ABTB3: variants seen among roughly 807,000 people sequenced by gnomAD.
ABTB3 encodes ankyrin repeat- and BTB/POZ domain-containing protein 3.
chr12:107,437,882 C>A, the ABTB3 span, among the ~76,000 whole-genome samples: 1 of 152,082 alleles, frequency 6.6e-6, no homozygotes, highest in Non-Finnish European at 1.5e-5. Context: ...TTTTTCGAGG[C>A]CACCCTTCAA....
At chr12:107,576,799 C>T in the ABTB3 span, among the ~76,000 whole-genome samples, 9 of 152,182 alleles carry the variant, frequency 5.9e-5, no homozygotes, top group Admixed American at 5.9e-4. Context: ...CCCTCAGCAA[C>T]TCTTGATATC....
At chr12:107,518,788 G>A in the ABTB3 span, among the ~76,000 whole-genome samples, 1 of 152,114 alleles carries the variant, frequency 6.6e-6, no homozygotes, top group African/African-American at 2.4e-5. Context: ...GAGCAGGGTT[G>A]GAAACACAGC....
At chr12:107,476,987 G>C in the ABTB3 span, among the ~76,000 whole-genome samples, 3 of 152,158 alleles carry the variant, frequency 2.0e-5, no homozygotes, top group Non-Finnish European at 2.9e-5. Flanking sequence ...CTGTTTTCTA[G>C]CTGGTGGAAG....
the ABTB3 span, among the ~76,000 whole-genome samples, chr12:107,479,480 A>G: frequency 6.6e-6 from 1 of 151,982 alleles, no homozygotes; most frequent in Admixed American, 6.6e-5. Flanking sequence ...GGCTGTTGTG[A>G]GGGTTATAGA....
chr12:107,555,820 C>T, the ABTB3 span, among the ~76,000 whole-genome samples: 2,362 of 152,284 alleles, frequency 0.016, 58 homozygotes, highest in African/African-American at 0.052. Context: ...ATTAGAGACT[C>T]AATGCAGGTA....
the ABTB3 span, chr12:107,318,929 A>T: frequency 6.3e-7 from 1 of 1,581,464 alleles, no homozygotes. Context: ...TGCAGCATGA[A>T]GTGGCGCAGC....
the ABTB3 span, among the ~76,000 whole-genome samples, chr12:107,463,613 A>G: frequency 6.6e-6 from 1 of 152,204 alleles, no homozygotes; most frequent in Non-Finnish European, 1.5e-5. Flanking sequence ...GTCAGACTCC[A>G]AAGTTTGTCC....
chr12:107,368,500 C>T, the ABTB3 span, among the ~76,000 whole-genome samples: 4 of 152,316 alleles, frequency 2.6e-5, no homozygotes, highest in South Asian at 8.3e-4. Flanking sequence ...TAATGATGGG[C>T]AACTAGTTGC....
chr12:107,504,007 C>T, the ABTB3 span, among the ~76,000 whole-genome samples: 5 of 152,104 alleles, frequency 3.3e-5, no homozygotes, highest in African/African-American at 1.2e-4. Flanking sequence ...TTCTCCTTGG[C>T]TGGATAGGGC....
chr12:107,419,424 C>G, the ABTB3 span, among the ~76,000 whole-genome samples: 1 of 152,168 alleles, frequency 6.6e-6, no homozygotes, highest in South Asian at 2.1e-4. Context: ...CAGGACCAGT[C>G]AATTGATTCC....
chr12:107,654,945 G>A, the ABTB3 span, among the ~76,000 whole-genome samples: 1 of 149,336 alleles, frequency 6.7e-6, no homozygotes, highest in Non-Finnish European at 1.5e-5. Context: ...TGATTACTTT[G>A]CAGAAGAGAG....
the ABTB3 span, among the ~76,000 whole-genome samples, chr12:107,403,042 G>A: frequency 6.6e-6 from 1 of 152,226 alleles, no homozygotes. Flanking sequence ...TCTGCTCCAG[G>A]TTGTGGAGAG....
the ABTB3 span, among the ~76,000 whole-genome samples, chr12:107,561,562 G>C: frequency 6.6e-6 from 1 of 152,176 alleles, no homozygotes; most frequent in Non-Finnish European, 1.5e-5. Flanking sequence ...GACTGCCCTG[G>C]AAAGTCAGGG....
At chr12:107,625,848 C>T in the ABTB3 span, among the ~76,000 whole-genome samples, 2 of 152,298 alleles carry the variant, frequency 1.3e-5, no homozygotes, top group Non-Finnish European at 2.9e-5. Flanking sequence ...ATCTCAGTGT[C>T]AGGGGTGCCG....
chr12:107,361,601 C>A, the ABTB3 span, among the ~76,000 whole-genome samples: 2 of 152,082 alleles, frequency 1.3e-5, no homozygotes, highest in Admixed American at 1.3e-4. Flanking sequence ...CTTTGATTGC[C>A]CCCCAGAAAG....
At chr12:107,598,389 G>A in the ABTB3 span, among the ~76,000 whole-genome samples, 353 of 152,300 alleles carry the variant, frequency 2.3e-3, 5 homozygotes, top group Non-Finnish European at 5.0e-4. Context: ...TTCTACTTAC[G>A]TTTTGTTGGT....
the ABTB3 span, among the ~76,000 whole-genome samples, chr12:107,472,507 G>T: frequency 6.6e-6 from 1 of 152,170 alleles, no homozygotes; most frequent in Non-Finnish European, 1.5e-5. Flanking sequence ...GTGACCTTAG[G>T]CAATTTGGTT....
chr12:107,443,557 G>A, the ABTB3 span, among the ~76,000 whole-genome samples: 3 of 152,056 alleles, frequency 2.0e-5, no homozygotes, highest in Non-Finnish European at 2.9e-5. Flanking sequence ...AGAACAGCAG[G>A]GACAGCAGTA....
the ABTB3 span, among the ~76,000 whole-genome samples, chr12:107,489,276 T>A: frequency 3.6e-3 from 541 of 152,280 alleles, 5 homozygotes; most frequent in African/African-American, 0.012. Flanking sequence ...ATCCCAGGAC[T>A]TTGGGAGGCC....
Sources: gnomAD v4.1 joint callset for allele counts (sites outside exome capture counted in the v4.1 genomes callset) on GRCh38, gnomAD v4.1.1 for gene constraint, MANE v1.5 for transcripts, NCBI Gene and HGNC (gene_info 2026-07-23, HGNC 2026-07-21) for gene names.